The following SUFU variants were observed in gnomAD, a reference collection of about 807,000 sequenced individuals.
SUFU encodes the protein SUFU negative regulator of hedgehog signaling.
SUFU carries 7 observed loss-of-function variants against 58.9 expected under a neutral mutation model. The ratio of observed to expected loss-of-function variants is 0.12; its 90% CI spans 0.07 to 0.22. The LOEUF (loss-of-function observed/expected upper bound fraction) is 0.22. SUFU is among the 10% of genes least tolerant of loss of function. The pLI is 1.00. For missense variants in SUFU, 451 were observed against 641.3 expected, an observed-to-expected ratio of 0.70 and a Z score of 3.20; for synonymous variants, 232 against 254.8, an observed-to-expected ratio of 0.91 and a Z score of 0.85.
intron 2 of SUFU, among the ~76,000 whole-genome samples, chr10:102,512,789 G>A (rs539744135): frequency 6.6e-6 from 1 of 152,284 alleles, no homozygotes; most frequent in African/African-American, 2.4e-5. Context: ...TATAGGCTGC[G>A]CATGGTGCCT....
chr10:102,503,850 T>G, upstream of SUFU: 1 of 383,848 alleles, frequency 2.6e-6, no homozygotes, highest in East Asian at 5.0e-5. Flanking sequence ...AGGCGGGGCC[T>G]ATTGTCAAGT....
intron 3 of SUFU, among the ~76,000 whole-genome samples, chr10:102,578,344 G>A (rs1367688575): frequency 4.6e-5 from 7 of 151,952 alleles, no homozygotes; most frequent in African/African-American, 1.2e-4. Flanking sequence ...TTGGGAGGCC[G>A]AGGTGGGTGG....
At position 102,504,322 on chromosome 10, in the gene SUFU, T is replaced by C. The variant is rs761115669; in HGVS notation, c.170T>C (p.Ile57Thr). The C allele has an allele frequency of 6.2e-7, 1 of 1,614,016 alleles. No homozygotes were observed. The highest frequency in any genetic ancestry group is 1.1e-5 in the South Asian group (1 of 91,070). ...CCGAACCCGCTCCAGGTTACCGCTATCGTCAAGTACTGGTATGCTCTGGGC... is the reference window on the plus strand; with the variant it reads ...CCGAACCCGCTCCAGGTTACCGCTACCGTCAAGTACTGGTATGCTCTGGGC... Reference protein sequence around the residue: ...DQPNPLQVTAIVKYWLGGPDP... With the variant: ...DQPNPLQVTATVKYWLGGPDP... The change falls in exon 1 of 12, where the codon ATC becomes ACC. Residue 57 changes from isoleucine to threonine, a missense_variant. Transcript: ENST00000369902.
chr10:102,538,895 C>G (rs1168008325), intron 2 of SUFU, among the ~76,000 whole-genome samples: 1 of 152,184 alleles, frequency 6.6e-6, no homozygotes. Flanking sequence ...GGTGGCAGAG[C>G]TAGGATTTGG....
chr10:102,511,912 A>G lies in SUFU; in HGVS notation c.317+2609A>G, dbSNP rs140212599. On this transcript the variant is annotated intron_variant, in intron 2 of 11. Coordinates refer to ENST00000369902, the MANE Select transcript of SUFU (RefSeq NM_016169.4). ...TTTTCTGTAGAGTTGAGGTCTCACT[A>G]TGTTGCCCAGGCTGGTCTCAGATGC... Among the ~76,000 whole-genome samples, 596 of 152,244 alleles carry G rather than the reference A, an allele frequency of 3.9e-3. 6 individuals carry two copies. The highest frequency in any genetic ancestry group is 0.014 in the African/African-American group (567 of 41,542).
intron 3 of SUFU, among the ~76,000 whole-genome samples, chr10:102,574,485 C>A (rs569353786): frequency 6.6e-6 from 1 of 152,266 alleles, no homozygotes; most frequent in East Asian, 1.9e-4. Context: ...TTGTGGCTCA[C>A]ATTTGTAGTG....
chr10:102,617,475 T>G lies in SUFU; in HGVS notation c.1296+47T>G. 6.2e-7 allele frequency: 1 copy of G among 1,613,534 alleles called. No individual in the cohort carries two copies. The highest frequency in any genetic ancestry group is 1.1e-5 in the South Asian group (1 of 91,078). ...TCCCTCCTTCCTTTCATAGACTTCC[T>G]TGCCCACCCCTCCTCTTCTCCCTTG... On this transcript the variant is annotated intron_variant, in intron 10 of 11. Coordinates refer to ENST00000369902, the MANE Select transcript of SUFU (RefSeq NM_016169.4). This position sits in a 1 kb window ranked among gnomAD's most constrained non-coding sequence, Gnocchi z 4.4.
intron 8 of SUFU, among the ~76,000 whole-genome samples, chr10:102,613,097 CG>C (rs1371872215): frequency 1.3e-5 from 2 of 152,068 alleles, no homozygotes; most frequent in African/African-American, 4.8e-5. Flanking sequence ...GAGAGTTGGT[CG>C]GAAGTCTGAG....
intron 2 of SUFU, among the ~76,000 whole-genome samples, chr10:102,516,990 G>A (rs1354001900): frequency 6.6e-6 from 1 of 151,566 alleles, no homozygotes; most frequent in African/African-American, 2.4e-5. Flanking sequence ...GGGTGTGGTG[G>A]TGGGCACCTG....
At position 102,617,182 on chromosome 10, in the gene SUFU, T is replaced by G. The variant is rs1410716496; in HGVS notation, c.1158-108T>G. On this transcript the variant is annotated intron_variant, in intron 9 of 11. Transcript: ENST00000369902. This position sits in a 1 kb window ranked among gnomAD's most constrained non-coding sequence, Gnocchi z 4.4. ...TGGGCAGCCAGGAGGGCATGTTACCTGGCCCGCGGACCATAGTCCCCACTG... is the reference window on the plus strand; with the variant it reads ...TGGGCAGCCAGGAGGGCATGTTACCGGGCCCGCGGACCATAGTCCCCACTG... The G allele has an allele frequency of 1.3e-6, 2 of 1,485,916 alleles. No homozygotes were observed. Among genetic ancestry groups the G allele is most frequent in the Non-Finnish European group, 1.9e-6 (2 of 1,072,622 alleles). The allele number at this position is 1,485,916 out of a possible 1,614,324, so 92.0% of individuals were successfully genotyped here.
chr10:102,622,991 C>CAAA (rs60442672), intron 10 of SUFU, among the ~76,000 whole-genome samples: 93 of 58,298 alleles, frequency 1.6e-3, no homozygotes, highest in Non-Finnish European at 2.0e-3. Flanking sequence ...AACTCCGTCT[C>CAAA]AAAAAAAAAA....
chr10:102,621,037 G>A (rs945082469), intron 10 of SUFU, among the ~76,000 whole-genome samples: 2 of 152,206 alleles, frequency 1.3e-5, no homozygotes, highest in African/African-American at 4.8e-5. Context: ...GGGAGAAGAC[G>A]CCCAGCAGCT....
At chr10:102,595,896 C>T (rs1205224510) in intron 6 of SUFU, among the ~76,000 whole-genome samples, 1 of 152,154 alleles carries the variant, frequency 6.6e-6, no homozygotes, top group African/African-American at 2.4e-5. Context: ...AAGTAAATAG[C>T]CCAGACAAGT....
chr10:102,622,965 TGGAAAACAAGA>T (rs1456055891), intron 10 of SUFU, among the ~76,000 whole-genome samples: 51 of 121,706 alleles, frequency 4.2e-4, no homozygotes, highest in African/African-American at 1.5e-3. Context: ...CACTCCAGCC[TGGAAAACAAGA>T]GCAAAACTCC....
chr10:102,522,850 A>G (rs915788991), intron 2 of SUFU, among the ~76,000 whole-genome samples: 9 of 152,316 alleles, frequency 5.9e-5, no homozygotes, highest in African/African-American at 1.9e-4. Flanking sequence ...TGTAGTAACA[A>G]GCAACATAAA....
At chr10:102,549,336 A>T (rs1368556000) in intron 2 of SUFU, among the ~76,000 whole-genome samples, 1 of 152,234 alleles carries the variant, frequency 6.6e-6, no homozygotes, top group Non-Finnish European at 1.5e-5. Context: ...TGGCAGGCAC[A>T]AGAGAGTGGG....
intron 6 of SUFU, 124 bp from the exon 7 acceptor site, chr10:102,597,016 A>G (rs1402577678): frequency 1.7e-6 from 2 of 1,164,258 alleles, no homozygotes; most frequent in Non-Finnish European, 2.6e-6. Flanking sequence ...GCTCTCCAGC[A>G]TTTGTCCCAT....
intron 1 of SUFU, 52 bp from the exon 2 acceptor site, chr10:102,509,117 A>G: frequency 6.2e-7 from 1 of 1,612,348 alleles, no homozygotes; most frequent in South Asian, 1.1e-5. Context: ...TTAGCTTGAC[A>G]TTGTCTGATT....
chr10:102,620,333 G>T (rs1283776220), intron 10 of SUFU, among the ~76,000 whole-genome samples: 3 of 152,204 alleles, frequency 2.0e-5, no homozygotes, highest in Non-Finnish European at 4.4e-5. Context: ...AAGGCAGAAG[G>T]TTTAGGAACC....
Sources: allele counts gnomAD v4.1 joint callset (sites outside exome capture counted in the v4.1 genomes callset), GRCh38; gene constraint gnomAD v4.1.1; non-coding constraint Gnocchi (gnomAD v3.1); transcripts MANE v1.5; gene names NCBI Gene and HGNC (gene_info 2026-07-23, HGNC 2026-07-21).